SPATA22: variants seen among roughly 807,000 people sequenced by gnomAD.
SPATA22 encodes spermatogenesis associated 22, also known as spermatogenesis-associated protein 22.
In SPATA22, 29 loss-of-function variants were observed where a neutral mutation model predicts 47.8. That is an observed-to-expected ratio of 0.61 (90% CI 0.45 to 0.83). The LOEUF is 0.83. Among genes scored for constraint, SPATA22 ranks in the 40% least tolerant of loss-of-function variants. The pLI is 0.00. For missense variants in SPATA22, 410 were observed against 421.7 expected, an observed-to-expected ratio of 0.97 and a Z score of 0.24; for synonymous variants, 133 against 140.9, an observed-to-expected ratio of 0.94 and a Z score of 0.40.
chr17:3,459,650 C>G (rs60882589), intron 5 of SPATA22, among the ~76,000 whole-genome samples: 3 of 152,114 alleles, frequency 2.0e-5, no homozygotes, highest in African/African-American at 7.2e-5. Flanking sequence ...TCAAGTGATC[C>G]GCCCGCCTCC....
chr17:3,454,268 G>C (rs1481915594), intron 5 of SPATA22, among the ~76,000 whole-genome samples: 1 of 149,320 alleles, frequency 6.7e-6, no homozygotes, highest in East Asian at 1.9e-4. Flanking sequence ...TTGAAGAATT[G>C]ATATTGTTTT....
At chr17:3,508,280 G>T (rs1444967647) in intron 1 of SPATA22, among the ~76,000 whole-genome samples, 1 of 151,026 alleles carries the variant, frequency 6.6e-6, no homozygotes, top group Non-Finnish European at 1.5e-5. Flanking sequence ...GGAGAAATAG[G>T]AACACTTTTA....
At chr17:3,484,195 A>C (rs538467555) in intron 1 of SPATA22, among the ~76,000 whole-genome samples, 1 of 152,038 alleles carries the variant, frequency 6.6e-6, no homozygotes, top group African/African-American at 2.4e-5. Flanking sequence ...CTCCTATAGA[A>C]CTTTCCCTGA....
intron 5 of SPATA22, among the ~76,000 whole-genome samples, chr17:3,459,537 C>T (rs1441816670): frequency 6.6e-6 from 1 of 152,196 alleles, no homozygotes; most frequent in Non-Finnish European, 1.5e-5. Flanking sequence ...TCCCAAGTAG[C>T]TGGGATTACA....
At chr17:3,482,860 T>C (rs1164517795) in intron 1 of SPATA22, among the ~76,000 whole-genome samples, 1 of 151,586 alleles carries the variant, frequency 6.6e-6, no homozygotes, top group African/African-American at 2.4e-5. Context: ...TACATATGTA[T>C]ACATGTGCCA....
Position 3,440,243 on chromosome 17 carries a change from T to C in SPATA22, c.996A>G (p.Arg332=). Residue 332 remains arginine, a synonymous_variant, in exon 9 of 9, where the codon AGA becomes AGG. Coordinates refer to ENST00000572969, the MANE Select transcript of SPATA22 (RefSeq NM_001170698.2). ...KKNIFQCVSV[R]PASVSEQKTF... The stretch of plus-strand genomic sequence containing the variant: ...TTTTTTGTTCAGAAACAGACGCCGG[T>C]CTGACAGAAACACATTGGAAAATGT... 1 of 1,612,248 alleles carries C rather than the reference T, an allele frequency of 6.2e-7. No homozygotes were observed. The highest frequency in any genetic ancestry group is 8.5e-7 in the Non-Finnish European group (1 of 1,178,988).
chr17:3,509,341 G>A (rs1038890103), intron 1 of SPATA22, among the ~76,000 whole-genome samples: 3 of 151,872 alleles, frequency 2.0e-5, no homozygotes, highest in Admixed American at 6.6e-5. Context: ...AACAGGCCCT[G>A]GTGTGTGTTG....
intron 5 of SPATA22, among the ~76,000 whole-genome samples, chr17:3,456,585 C>T (rs529895842): frequency 3.9e-5 from 6 of 152,168 alleles, no homozygotes; most frequent in Non-Finnish European, 8.8e-5. Context: ...GAGTCCAGGA[C>T]CAGATGGATT....
intron 5 of SPATA22, among the ~76,000 whole-genome samples, chr17:3,457,503 C>G (rs981125600): frequency 2.1e-5 from 3 of 141,950 alleles, no homozygotes; most frequent in Admixed American, 7.5e-5. Context: ...TATGGAACCA[C>G]AAAAGACTCT....
chr17:3,471,824 T>C, upstream of SPATA22: 1 of 985,452 alleles, frequency 1.0e-6, no homozygotes, highest in African/African-American at 1.7e-5. Context: ...GGAATCAGGC[T>C]GTTCGCAGGC....
At chr17:3,458,365 A>T (rs964892261) in intron 5 of SPATA22, among the ~76,000 whole-genome samples, 2 of 152,066 alleles carry the variant, frequency 1.3e-5, no homozygotes, top group African/African-American at 4.8e-5. Flanking sequence ...ATCCTTGTAC[A>T]CTCTTGGTGG....
At chr17:3,496,100 G>A (rs372295832) in intron 1 of SPATA22, among the ~76,000 whole-genome samples, 12 of 152,278 alleles carry the variant, frequency 7.9e-5, no homozygotes, top group East Asian at 1.9e-4. Flanking sequence ...GGTAGGTCTC[G>A]AAAGTTAGGA....
intron 1 of SPATA22, chr17:3,501,399 TA>T (rs1222936537): frequency 6.6e-6 from 1 of 152,196 alleles, no homozygotes; most frequent in African/African-American, 2.4e-5. Context: ...GAGACTTGAG[TA>T]AAGGAAGTCA....
intron 1 of SPATA22, among the ~76,000 whole-genome samples, chr17:3,504,240 C>A (rs553868055): frequency 6.6e-6 from 1 of 152,198 alleles, no homozygotes; most frequent in Non-Finnish European, 1.5e-5. Context: ...CTCCTTCTAT[C>A]CCATCTTGAG....
Position 3,449,124 on chromosome 17 carries a change from T to C in SPATA22, c.355A>G (p.Ser119Gly). ...WSYRDGNKNTSLKTWNKNDFK... is the reference protein window; with the variant it reads ...WSYRDGNKNTGLKTWNKNDFK... ...TCATTTTTATTCCAAGTTTTCAAGC[T>C]GGTATTTTTGTTACCATCTCTGTAG... is the stretch of plus-strand genomic sequence containing the variant. The change falls in exon 6 of 9, where the codon AGC (serine) becomes GGC (glycine). Residue 119 changes from serine (S) to glycine (G), a missense_variant. Transcript: ENST00000572969. The C allele has an allele frequency of 6.2e-7, 1 of 1,607,228 alleles. No homozygotes were observed. The highest frequency in any genetic ancestry group is 2.2e-5 in the East Asian group (1 of 44,784).
chr17:3,507,176 A>C (rs2074048623), intron 1 of SPATA22, among the ~76,000 whole-genome samples: 1 of 152,188 alleles, frequency 6.6e-6, no homozygotes, highest in Admixed American at 6.5e-5. Context: ...TGATATGGAA[A>C]TGGTGGGGTC....
chr17:3,452,363 G>A (rs1376913849), intron 5 of SPATA22, among the ~76,000 whole-genome samples: 1 of 151,384 alleles, frequency 6.6e-6, no homozygotes, highest in African/African-American at 2.4e-5. Context: ...GGAGGCCGAG[G>A]CAGGCGGAGC....
intron 1 of SPATA22, among the ~76,000 whole-genome samples, chr17:3,470,207 A>G (rs1209049030): frequency 6.6e-6 from 1 of 151,220 alleles, no homozygotes; most frequent in East Asian, 1.9e-4. Context: ...GTTTTTCCTT[A>G]GTTTTCTTCT....
intron 5 of SPATA22, among the ~76,000 whole-genome samples, chr17:3,455,338 G>C (rs2150711491): frequency 6.6e-6 from 1 of 151,978 alleles, no homozygotes; most frequent in Middle Eastern, 3.4e-3. Flanking sequence ...TGTTGCCATT[G>C]CTTTTGGTGT....
Sources: allele counts gnomAD v4.1 joint callset (sites outside exome capture counted in the v4.1 genomes callset), GRCh38; gene constraint gnomAD v4.1.1; transcripts MANE v1.5; gene names NCBI Gene and HGNC (gene_info 2026-07-23, HGNC 2026-07-21).